The following KCNJ1 variants were observed in gnomAD, a reference collection of about 807,000 sequenced individuals.
KCNJ1 encodes the protein potassium inwardly rectifying channel subfamily J member 1, also known as ATP-sensitive inward rectifier potassium channel 1.
In KCNJ1, 24 loss-of-function variants were observed where a neutral mutation model predicts 21.9. The observed-to-expected ratio is 1.10, with a 90% CI of 0.79 to 1.54. The LOEUF is 1.54. Among genes scored for constraint, KCNJ1 ranks in the 40% most tolerant of loss-of-function variants. KCNJ1 has a pLI of 0.00. For synonymous variants in KCNJ1, 152 were observed against 160.9 expected, an observed-to-expected ratio of 0.94 and a Z score of 0.42; for missense variants, 457 against 455.4, an observed-to-expected ratio of 1.00 and a Z score of -0.03.
At position 128,848,156 on chromosome 11, in the gene KCNJ1, C is replaced by T. The variant is rs187630483; in HGVS notation, c.-22+2565G>A. Among the ~76,000 whole-genome samples the T allele has an allele frequency of 4.0e-3, 597 of 150,726 alleles. 3 individuals are homozygous for T. The highest frequency in any genetic ancestry group is 5.0e-3 in the Non-Finnish European group (341 of 67,688). On this transcript the variant is annotated intron_variant, in intron 2 of 2. Coordinates refer to ENST00000392666, the MANE Select transcript of KCNJ1 (RefSeq NM_153766.3). ...ACAAAAAATTAGCCGGGCGTGGTGG[C>T]GGGCGCCTGTAGTTCCAGCTACTCA... is the stretch of plus-strand genomic sequence containing the variant.
rs761701714 is a variant in KCNJ1, at chr11:128,840,350, A to T, written c.-21-86T>A. 3.9e-6 allele frequency: 5 copies of T among 1,277,480 alleles called. No individual in the cohort carries two copies. The East Asian group carries it at 1.2e-4, about 31-fold the overall frequency. 79.1% of individuals were successfully genotyped at this position (1,277,480 alleles called of 1,614,324 possible). A position where few individuals can be genotyped will look rare whatever the true frequency, so the allele number is the denominator to read the frequency against. ...GACCCACATGAAAGACCTAACTACG[A>T]AAAGATCATTCAAAATTATCTGGGT... On this transcript the variant is annotated intron_variant, in intron 2 of 2. Transcript: ENST00000392666.
In KCNJ1 at chr11:128,852,515, G is replaced by T. The variant is rs544799240; in HGVS notation, c.-191-1625C>A. Among the ~76,000 whole-genome samples the T allele has an allele frequency of 2.0e-5, 3 of 152,290 alleles. No individual in the cohort carries two copies. The South Asian group carries it at 6.2e-4, about 32-fold the overall frequency. On this transcript the variant is annotated intron_variant, in intron 1 of 2. Transcript: ENST00000392666. ...GCCATCAGAGTTACATTAATGGAGC[G>T]GCACGTCATATCACCCACCCTCCCA...
intron 2 of KCNJ1, among the ~76,000 whole-genome samples, chr11:128,846,987 A>G (rs925924460): frequency 6.6e-6 from 1 of 152,216 alleles, no homozygotes; most frequent in Non-Finnish European, 1.5e-5. Flanking sequence ...TGTCCAAGCC[A>G]CAAAATGGCC....
chr11:128,864,009 AG>A (rs1326270936), intron 1 of KCNJ1, among the ~76,000 whole-genome samples: 2 of 151,256 alleles, frequency 1.3e-5, no homozygotes, highest in Non-Finnish European at 2.9e-5. Flanking sequence ...TTTGACCTTA[AG>A]GTAACTTAAG....
intron 1 of KCNJ1, among the ~76,000 whole-genome samples, chr11:128,864,823 G>A (rs1041637358): frequency 2.6e-5 from 4 of 152,074 alleles, no homozygotes; most frequent in Non-Finnish European, 1.5e-5. Flanking sequence ...CAGACTTTGT[G>A]TCTTCTCCCT....
intron 1 of KCNJ1, among the ~76,000 whole-genome samples, chr11:128,864,933 A>G (rs1943790594): frequency 6.6e-6 from 1 of 151,730 alleles, no homozygotes; most frequent in Non-Finnish European, 1.5e-5. Flanking sequence ...TGTAAATAAG[A>G]TCTTACCCCG....
intron 1 of KCNJ1, among the ~76,000 whole-genome samples, chr11:128,866,909 T>A (rs930795617): frequency 6.6e-6 from 1 of 152,120 alleles, no homozygotes; most frequent in Non-Finnish European, 1.5e-5. Context: ...TCAGGCATGA[T>A]GCAACCAAAG....
At chr11:128,865,244 G>A (rs1943796015) in intron 1 of KCNJ1, among the ~76,000 whole-genome samples, 1 of 152,086 alleles carries the variant, frequency 6.6e-6, no homozygotes, top group African/African-American at 2.4e-5. Context: ...ACTTTTCTGT[G>A]CAGGCAGCGA....
At chr11:128,863,503 A>G (rs1183381513) in intron 1 of KCNJ1, among the ~76,000 whole-genome samples, 4 of 152,220 alleles carry the variant, frequency 2.6e-5, no homozygotes, top group Admixed American at 1.3e-4. Flanking sequence ...AATTTTGAAA[A>G]GTAACAACAG....
chr11:128,848,493 C>A (rs1429797433), intron 2 of KCNJ1, among the ~76,000 whole-genome samples: 1 of 152,050 alleles, frequency 6.6e-6, no homozygotes, highest in East Asian at 1.9e-4. Flanking sequence ...TGCCTGGCCT[C>A]TGTATTTCCA....
rs1591403637 is a variant in KCNJ1 at position 128,839,359 on chromosome 11, A to G, written c.885T>C (p.Tyr295=). ...AGCCCCAAAGCACCTCCTCTGGGAC[A>G]TAGGATGTCCGGACTTGGCAGGTAG... ...TSATCQVRTS[Y]VPEEVLWGYR... The change falls in exon 3 of 3, where the codon TAT becomes TAC. Residue 295 remains tyrosine, a synonymous_variant. Coordinates refer to ENST00000392666, the MANE Select transcript of KCNJ1 (RefSeq NM_153766.3). 1.2e-6 allele frequency: 2 copies of G among 1,614,042 alleles called. No homozygotes were observed. The highest frequency in any genetic ancestry group is 1.1e-5 in the South Asian group (1 of 91,088).
At chr11:128,842,512 A>AGT in intron 2 of KCNJ1, 1 of 1,603,226 alleles carries the variant, frequency 6.2e-7, no homozygotes, top group Non-Finnish European at 8.5e-7. Context: ...GGCGACAGTC[A>AGT]GTGGACTGAC....
intron 1 of KCNJ1, among the ~76,000 whole-genome samples, chr11:128,852,431 C>T (rs1943492496): frequency 6.6e-6 from 1 of 152,148 alleles, no homozygotes; most frequent in Admixed American, 6.5e-5. Flanking sequence ...GCTATGCCCA[C>T]GGGTATCATT....
intron 1 of KCNJ1, among the ~76,000 whole-genome samples, chr11:128,856,648 A>G (rs573213061): frequency 2.0e-5 from 3 of 152,178 alleles, no homozygotes; most frequent in Non-Finnish European, 2.9e-5. Flanking sequence ...GTTTTGTTCA[A>G]TTCAGATCAT....
chr11:128,864,777 G>A (rs1016051972), intron 1 of KCNJ1, among the ~76,000 whole-genome samples: 3 of 151,890 alleles, frequency 2.0e-5, no homozygotes, highest in Non-Finnish European at 4.4e-5. Context: ...CTTCATCCTC[G>A]CCTGTCCCCA....
intron 2 of KCNJ1, among the ~76,000 whole-genome samples, chr11:128,843,914 G>A (rs999049206): frequency 6.6e-6 from 1 of 152,172 alleles, no homozygotes; most frequent in African/African-American, 2.4e-5. Context: ...TGGTGCAAAT[G>A]TGTCAATAAT....
At chr11:128,845,317 G>A (rs1443424145) in intron 2 of KCNJ1, among the ~76,000 whole-genome samples, 2 of 152,202 alleles carry the variant, frequency 1.3e-5, no homozygotes, top group East Asian at 1.9e-4. Flanking sequence ...TGAAATGATT[G>A]AGGACACGAT....
chr11:128,852,627 G>GC (rs1943495799), intron 1 of KCNJ1, among the ~76,000 whole-genome samples: 2 of 152,242 alleles, frequency 1.3e-5, no homozygotes, highest in Non-Finnish European at 2.9e-5. Flanking sequence ...CCATAGAGCT[G>GC]CCCTTCAGCA....
rs963115339 is a variant in KCNJ1 at position 128,838,313 on chromosome 11, T to G, written c.*812A>C. ...TTAGAAATAGCATTCCAGTACAAAC[T>G]CTAGGTGGAGGAACACATGAAACTG... On this transcript the variant is annotated 3_prime_UTR_variant, in exon 3 of 3. Transcript: ENST00000392666. 4 of 152,600 alleles carry G rather than the reference T, an allele frequency of 2.6e-5. No homozygotes were observed. Among genetic ancestry groups the G allele is most frequent in the Admixed American group, 2.6e-4 (4 of 15,288 alleles). 9.5% of individuals were successfully genotyped at this position (152,600 alleles called of 1,614,324 possible). A position where few individuals can be genotyped will look rare whatever the true frequency, so the allele number is the denominator to read the frequency against.
Sources: allele counts gnomAD v4.1 joint callset (sites outside exome capture counted in the v4.1 genomes callset), GRCh38; gene constraint gnomAD v4.1.1; transcripts MANE v1.5; gene names NCBI Gene and HGNC (gene_info 2026-07-23, HGNC 2026-07-21).